Variants in STK3 observed in about 807,000 individuals in gnomAD.
STK3 encodes the protein serine/threonine-protein kinase 3.
STK3 carries 41 observed loss-of-function variants against 58.0 expected under a neutral mutation model. That is an observed-to-expected ratio of 0.71 (90% confidence interval 0.55 to 0.92). STK3 has a LOEUF of 0.92. Among genes scored for constraint, STK3 ranks in the 40% least tolerant of loss-of-function variants. The pLI is 0.00. For missense variants in STK3, 479 were observed against 602.7 expected (o/e 0.79, Z 2.15); for synonymous variants, 170 against 191.0 (o/e 0.89, Z 0.91).
intron 1 of STK3, among the ~76,000 whole-genome samples, chr8:98,381,865 A>C (rs1382468866): frequency 6.6e-6 from 1 of 152,248 alleles, no homozygotes; most frequent in Non-Finnish European, 1.5e-5. Context: ...GGTCATGTAG[A>C]TACATGGCTG....
At chr8:98,497,402 G>T (rs1237554826) in intron 10 of STK3, among the ~76,000 whole-genome samples, 1 of 151,806 alleles carries the variant, frequency 6.6e-6, no homozygotes, top group Non-Finnish European at 1.5e-5. Flanking sequence ...AATTTTCTTA[G>T]CTATGATACC....
At chr8:98,350,826 C>T in the STK3 span, among the ~76,000 whole-genome samples, 2 of 152,172 alleles carry the variant, frequency 1.3e-5, no homozygotes, top group Non-Finnish European at 2.9e-5. Context: ...CCTCCCACAA[C>T]ATGTGGGAAT....
At chr8:98,695,176 C>G (rs192235696) in intron 6 of STK3, among the ~76,000 whole-genome samples, 1 of 152,110 alleles carries the variant, frequency 6.6e-6, no homozygotes, top group African/African-American at 2.4e-5. Context: ...TCATGTCCTT[C>G]GCCCACTTTT....
At chr8:98,464,964 T>C (rs1470849653) in intron 10 of STK3, among the ~76,000 whole-genome samples, 2 of 152,170 alleles carry the variant, frequency 1.3e-5, no homozygotes, top group African/African-American at 2.4e-5. Flanking sequence ...CTACCATGAA[T>C]CATTCTGTTT....
At chr8:98,643,602 C>T (rs1030623624) in intron 6 of STK3, among the ~76,000 whole-genome samples, 2 of 152,230 alleles carry the variant, frequency 1.3e-5, no homozygotes, top group Non-Finnish European at 2.9e-5. Context: ...TTTATTATGT[C>T]TAACCCAACC....
At chr8:98,840,031 GA>G (rs1835906382) in intron 3 of STK3, among the ~76,000 whole-genome samples, 1 of 151,788 alleles carries the variant, frequency 6.6e-6, no homozygotes, top group Admixed American at 6.6e-5. Flanking sequence ...AAATTATTTT[GA>G]AAAAAATAAA....
At chr8:98,842,519 A>T (rs1262635633) in intron 3 of STK3, among the ~76,000 whole-genome samples, 1 of 152,086 alleles carries the variant, frequency 6.6e-6, no homozygotes, top group Non-Finnish European at 1.5e-5. Context: ...CTACAAAAAA[A>T]TGCAAAAAAT....
At chr8:98,581,645 C>G (rs890345406) in intron 7 of STK3, among the ~76,000 whole-genome samples, 1 of 151,294 alleles carries the variant, frequency 6.6e-6, no homozygotes, top group Non-Finnish European at 1.5e-5. Context: ...TCCATTTCTC[C>G]GTCCTTCTGC....
intron 2 of STK3, among the ~76,000 whole-genome samples, chr8:98,435,298 C>A (rs955298798): frequency 2.0e-5 from 3 of 152,166 alleles, no homozygotes; most frequent in Admixed American, 6.5e-5. Context: ...GTAACAGGGA[C>A]CTGCATAGGC....
At chr8:98,588,890 C>T (rs1320938994) in intron 7 of STK3, among the ~76,000 whole-genome samples, 135 of 150,714 alleles carry the variant, frequency 9.0e-4, no homozygotes, top group African/African-American at 2.9e-3. Context: ...TTGATCGCAT[C>T]GGCTCCTGAG....
At chr8:98,912,701 AAG>A (rs1477785083) in intron 1 of STK3, among the ~76,000 whole-genome samples, 1 of 152,210 alleles carries the variant, frequency 6.6e-6, no homozygotes, top group Non-Finnish European at 1.5e-5. Flanking sequence ...AGCGGGGGTA[AAG>A]AGAGACCAGG....
chr8:98,656,131 T>C (rs1240453443), intron 6 of STK3, among the ~76,000 whole-genome samples: 2 of 152,212 alleles, frequency 1.3e-5, no homozygotes, highest in African/African-American at 2.4e-5. Context: ...GTGGCACATA[T>C]ACACCATGGA....
upstream of STK3, chr8:98,825,756 C>A (rs1192355234): frequency 3.4e-6 from 1 of 292,540 alleles, no homozygotes; most frequent in Admixed American, 7.7e-5. Flanking sequence ...CCGCCCCCGG[C>A]CGCCCCGCCC....
chr8:98,712,288 A>G (rs1054606975), intron 4 of STK3, among the ~76,000 whole-genome samples: 104 of 152,324 alleles, frequency 6.8e-4, no homozygotes, highest in African/African-American at 2.4e-3. Flanking sequence ...AACAATATTA[A>G]CCTTAAACGT....
intron 1 of STK3, chr8:98,904,979 A>G: frequency 1.4e-6 from 1 of 737,112 alleles, no homozygotes; most frequent in South Asian, 1.3e-5. Context: ...CTGCCTCGTA[A>G]GAGCAGACCC....
intron 10 of STK3, among the ~76,000 whole-genome samples, chr8:98,516,946 G>T (rs912572778): frequency 6.6e-6 from 1 of 151,984 alleles, no homozygotes; most frequent in South Asian, 2.1e-4. Flanking sequence ...AGGTCTGTGA[G>T]AATGAAACTT....
chr8:98,362,029 A>G, the STK3 span, among the ~76,000 whole-genome samples: 1 of 152,200 alleles, frequency 6.6e-6, no homozygotes, highest in Non-Finnish European at 1.5e-5. Flanking sequence ...GGCAGACTCC[A>G]TTTGGTTGGA....
At chr8:98,667,369 A>T (rs1822442746) in intron 6 of STK3, among the ~76,000 whole-genome samples, 1 of 152,162 alleles carries the variant, frequency 6.6e-6, no homozygotes, top group African/African-American at 2.4e-5. Context: ...AACAAAATGA[A>T]AACAGGTGTC....
chr8:98,436,361 C>A (rs907977495), intron 2 of STK3, among the ~76,000 whole-genome samples: 4 of 152,168 alleles, frequency 2.6e-5, no homozygotes, highest in Admixed American at 1.3e-4. Flanking sequence ...CCCTCACTCC[C>A]GAGCCCCACA....
Sources: allele counts gnomAD v4.1 joint callset (sites outside exome capture counted in the v4.1 genomes callset), GRCh38; gene constraint gnomAD v4.1.1; transcripts MANE v1.5; gene names NCBI Gene and HGNC (gene_info 2026-07-23, HGNC 2026-07-21).